TTC21A: variants seen among roughly 807,000 people sequenced by gnomAD.
TTC21A encodes tetratricopeptide repeat protein 21A.
TTC21A carries 128 observed loss-of-function variants against 156.4 expected under a neutral mutation model. That is an observed-to-expected ratio of 0.82 (90% CI 0.71 to 0.95). TTC21A has a LOEUF of 0.95. Ranked by LOEUF, TTC21A falls within the 40% of genes least tolerant of loss-of-function variation. The pLI is 0.00. For synonymous variants in TTC21A, 587 were observed against 617.1 expected (o/e 0.95, Z 0.72); for missense variants, 1,435 against 1,602.3 (o/e 0.90, Z 1.78).
At chr3:39,136,328 A>G in intron 22 of TTC21A, 29 bp from the exon 23 acceptor site, 1 of 1,599,250 alleles carries the variant, frequency 6.3e-7, no homozygotes, top group Non-Finnish European at 8.5e-7. Flanking sequence ...TGGGCATTTC[A>G]GCCTGGAGAT....
In TTC21A at chr3:39,128,822, G is replaced by C. The variant is rs751883343; in HGVS notation, c.1786G>C (p.Ala596Pro). ...KTLKMVIKLP[A>P]LKKEEGRKFL... is the part of the protein sequence containing the mutation. ...GCTGAAAATGGTCATCAAATTGCCAGCTCTGAAGAAGGAAGAAGGCAGAAA... is the reference window on the plus strand; with the variant it reads ...GCTGAAAATGGTCATCAAATTGCCACCTCTGAAGAAGGAAGAAGGCAGAAA... The change falls in exon 14 of 29, where the codon GCT becomes CCT. Residue 596 changes from alanine to proline, a missense_variant. Physicochemically the swap from Ala to Pro is conservative, Grantham distance 27 (BLOSUM62 -1). Transcript: ENST00000683103. 2.5e-6 allele frequency: 4 copies of C among 1,614,084 alleles called. No individual in the cohort carries two copies. The highest frequency in any genetic ancestry group is 2.2e-5 in the South Asian group (2 of 91,084).
At chr3:39,135,417 C>T (rs1314732584) in intron 22 of TTC21A, among the ~76,000 whole-genome samples, 1 of 152,240 alleles carries the variant, frequency 6.6e-6, no homozygotes, top group Non-Finnish European at 1.5e-5. Context: ...ATGTCTGTCC[C>T]CAAATCACAG....
chr3:39,112,440 A>G lies in TTC21A; in HGVS notation c.436-18A>G. 2 of 1,613,896 alleles carry G rather than the reference A, an allele frequency of 1.2e-6. No homozygotes were observed. Among genetic ancestry groups the G allele is most frequent in the Non-Finnish European group, 1.7e-6 (2 of 1,179,884 alleles). ...TGCAGGACCAAGGACTTCATCTTTCATCTTGTTCTCATCCCAGGCCTATGT... is the reference window on the plus strand; with the variant it reads ...TGCAGGACCAAGGACTTCATCTTTCGTCTTGTTCTCATCCCAGGCCTATGT... On this transcript the variant is annotated intron_variant, in intron 4 of 28. Coordinates refer to ENST00000683103, the MANE Select transcript of TTC21A (RefSeq NM_001366900.1).
At chr3:39,122,021 G>A (rs1161786363) in intron 9 of TTC21A, among the ~76,000 whole-genome samples, 2 of 152,124 alleles carry the variant, frequency 1.3e-5, no homozygotes, top group African/African-American at 2.4e-5. Context: ...TCTTTAAAAG[G>A]TAATGAGCCA....
chr3:39,136,132 C>T (rs768966239), intron 22 of TTC21A: 3 of 430,426 alleles, frequency 7.0e-6, no homozygotes, highest in Non-Finnish European at 1.2e-5. Flanking sequence ...ATACCAGGTA[C>T]AATATAAGTG....
At chr3:39,113,655 G>T (rs1041970803) in intron 5 of TTC21A, among the ~76,000 whole-genome samples, 1 of 152,194 alleles carries the variant, frequency 6.6e-6, no homozygotes, top group African/African-American at 2.4e-5. Flanking sequence ...GGTCTATAAC[G>T]TAGTTTTCAC....
intron 8 of TTC21A, among the ~76,000 whole-genome samples, 195 bp downstream of exon 8, chr3:39,120,215 C>G (rs537717486): frequency 6.6e-6 from 1 of 152,256 alleles, no homozygotes; most frequent in South Asian, 2.1e-4. Flanking sequence ...GGTTCTACAT[C>G]CTTAGCCTAG....
chr3:39,135,989 C>G (rs2039081761), intron 22 of TTC21A, among the ~76,000 whole-genome samples: 1 of 150,408 alleles, frequency 6.6e-6, no homozygotes, highest in East Asian at 2.0e-4. Context: ...ACCCAGGAGG[C>G]AGAGCTTGCA....
Position 39,107,723 on chromosome 3 carries a change from A to G in TTC21A, c.-115A>G, listed in dbSNP as rs1020213049. 2.0e-6 allele frequency: 3 copies of G among 1,487,818 alleles called. No homozygotes were observed. The highest frequency in any genetic ancestry group is 1.9e-6 in the Non-Finnish European group (2 of 1,077,578). The allele number at this position is 1,487,818 out of a possible 1,614,324, so 92.2% of individuals were successfully genotyped here. The stretch of plus-strand genomic sequence containing the variant: ...GCAACCGGCTAGCAGCTCGGTTTCC[A>G]AGGACTGTAACGCCTTCAACCGCCC... On this transcript the variant is annotated 5_prime_UTR_variant, in exon 1 of 29. Transcript: ENST00000683103.
chr3:39,136,633 T>A (rs2039135695), intron 23 of TTC21A, 126 bp downstream of exon 23: 2 of 1,233,034 alleles, frequency 1.6e-6, no homozygotes, highest in Admixed American at 2.5e-5. Context: ...ACCCAGCAAG[T>A]GAGGGCCCAT....
rs140887505 is a variant in TTC21A at position 39,123,294 on chromosome 3, T to C, written c.1094-1769T>C. The stretch of plus-strand genomic sequence containing the variant: ...TGAGGAAGACAGTCAAGAATAAATA[T>C]ACCAAAGTAGCAAAGAAATACCTGT... On this transcript the variant is annotated intron_variant, in intron 9 of 28. Coordinates refer to ENST00000683103, the MANE Select transcript of TTC21A (RefSeq NM_001366900.1). Among the ~76,000 whole-genome samples, 39 of 152,296 alleles carry C rather than the reference T, an allele frequency of 2.6e-4. 1 individual carries two copies. The East Asian group carries it at 6.6e-3, about 26-fold the overall frequency.
rs541305406 is a variant in TTC21A at position 39,118,179 on chromosome 3, T to C, written c.801+26T>C. 2.4e-5 allele frequency: 38 copies of C among 1,611,196 alleles called. No individual in the cohort carries two copies. In the African/African-American group the frequency reaches 4.3e-4, roughly 18 times the overall value. On this transcript the variant is annotated intron_variant, in intron 7 of 28. Transcript: ENST00000683103. Reference sequence around the variant, plus strand: ...GTAAGTTCTTTGAAGACTCAGAAGGTGATCCTTGAAACAGAATCAAGGAGG... The same window carrying C: ...GTAAGTTCTTTGAAGACTCAGAAGGCGATCCTTGAAACAGAATCAAGGAGG...
In TTC21A at chr3:39,111,148, G is replaced by A. The variant is rs149489113; in HGVS notation, c.435+131G>A. ...CACACCCAGGCACTGGCAAAACACC[G>A]GGTCTCACAGTTGCCCCACGCGTGT... On this transcript the variant is annotated intron_variant, in intron 4 of 28. Transcript: ENST00000683103. 1,046 of 976,456 alleles carry A rather than the reference G, an allele frequency of 1.1e-3. 8 individuals are homozygous for A. The Middle Eastern group carries it at 0.011, about 11-fold the overall frequency. The allele number at this position is 976,456 out of a possible 1,614,324, so 60.5% of individuals were successfully genotyped here. A position where few individuals can be genotyped will look rare whatever the true frequency, so the allele number is the denominator to read the frequency against.
chr3:39,137,317 G>A lies in TTC21A; in HGVS notation c.3380G>A (p.Arg1127Gln), dbSNP rs73070244. ...TQLRLLQGLC[R>Q]LATREKANME... ...CTGCGGCTGCTGCAGGGCCTCTGCC[G>A]GCTGGCCACCAGGGAGAAGGCTAAC... Residue 1127 changes from arginine to glutamine, a missense_variant, in exon 25 of 29, where the codon CGG becomes CAG. By Grantham distance (43) the Arg-to-Gln change is conservative (BLOSUM62 1). Transcript: ENST00000683103. The A allele has an allele frequency of 0.02, 32,257 of 1,613,912 alleles. 417 individuals are homozygous for A. Among genetic ancestry groups the A allele is most frequent in the Non-Finnish European group, 0.024 (27,754 of 1,179,930 alleles).
At chr3:39,113,530 A>G (rs2037007158) in intron 5 of TTC21A, among the ~76,000 whole-genome samples, 1 of 152,116 alleles carries the variant, frequency 6.6e-6, no homozygotes, top group African/African-American at 2.4e-5. Flanking sequence ...CCCTTCAACC[A>G]TGGGTGATCC....
chr3:39,108,588 T>C (rs2036477297), intron 1 of TTC21A, among the ~76,000 whole-genome samples: 1 of 152,174 alleles, frequency 6.6e-6, no homozygotes, highest in Non-Finnish European at 1.5e-5. Flanking sequence ...GCTCCCAACC[T>C]AGCACCCACA....
chr3:39,127,266 G>A (rs784505), intron 12 of TTC21A, among the ~76,000 whole-genome samples: 77,322 of 152,084 alleles, frequency 0.51, 23,353 homozygotes, highest in Non-Finnish European at 0.65. Flanking sequence ...TTCTGGGGGT[G>A]TCCAAAGGGA....
chr3:39,110,285 C>T, intron 3 of TTC21A, 146 bp downstream of exon 3: 1 of 706,100 alleles, frequency 1.4e-6, no homozygotes, highest in Admixed American at 2.0e-5. Flanking sequence ...GAAGTGGCTG[C>T]TGCTCCTCTC....
intron 10 of TTC21A, 69 bp from the exon 11 acceptor site, chr3:39,125,263 A>G: frequency 6.4e-7 from 1 of 1,563,078 alleles, no homozygotes; most frequent in East Asian, 2.2e-5. Flanking sequence ...CTGGACCTTC[A>G]CTTTGCCCTT....
Sources: allele counts gnomAD v4.1 joint callset (sites outside exome capture counted in the v4.1 genomes callset), GRCh38; gene constraint gnomAD v4.1.1; transcripts MANE v1.5; gene names NCBI Gene and HGNC (gene_info 2026-07-23, HGNC 2026-07-21).